The following KIF7 variants were observed in gnomAD, a reference collection of about 807,000 sequenced individuals.
KIF7 encodes the protein kinesin-like protein KIF7.
A neutral mutation model predicts 135.7 loss-of-function variants in KIF7; 104 were observed. The ratio of observed to expected loss-of-function variants is 0.77; its 90% confidence interval spans 0.65 to 0.90. KIF7 has a LOEUF of 0.90. Ranked by LOEUF, KIF7 falls within the 40% of genes least tolerant of loss-of-function variation. KIF7 has a pLI of 0.00. For missense variants in KIF7, 2,005 were observed against 1,839.1 expected (o/e 1.09, Z -1.65); for synonymous variants, 883 against 809.4 (o/e 1.09, Z -1.54).
rs1163281822 is a variant in KIF7 at position 89,628,486 on chromosome 15, G to C, written c.3965C>G (p.Ser1322Cys). Residue 1322 changes from serine (S) to cysteine (C), a missense_variant, in exon 19 of 19, where the codon TCC (serine) becomes TGC (cysteine). Coordinates refer to ENST00000394412, the MANE Select transcript of KIF7 (RefSeq NM_198525.3). Reference sequence around the variant, plus strand: ...TCGTCGCAGTTCCCGCCGGGGCTTGGACAAAGGCCCAAAGTTCCAGGGCAG... The same window carrying C: ...TCGTCGCAGTTCCCGCCGGGGCTTGCACAAAGGCCCAAAGTTCCAGGGCAG... ...AGLPWNFGPLSKPRRELRRAS... is the reference protein window; with the variant it reads ...AGLPWNFGPLCKPRRELRRAS... 1 of 1,612,180 alleles carries C rather than the reference G, an allele frequency of 6.2e-7. No homozygotes were observed. Among genetic ancestry groups the C allele is most frequent in the African/African-American group, 1.3e-5 (1 of 74,906 alleles).
rs756204120 is a variant in KIF7, at chr15:89,628,707, A to C, written c.3744T>G (p.Leu1248=). 5 of 1,612,958 alleles carry C rather than the reference A, an allele frequency of 3.1e-6. No individual in the cohort carries two copies. The highest frequency in any genetic ancestry group is 2.5e-6 in the Non-Finnish European group (3 of 1,179,856). The change falls in exon 19 of 19, where the codon CTT becomes CTG. Residue 1248 remains leucine (L), a synonymous_variant. Coordinates refer to ENST00000394412, the MANE Select transcript of KIF7 (RefSeq NM_198525.3). ...CCTCAGTGAGGGGGGACAGCCAGAG[A>C]AGCTCGGGTGCCAGGTGGAGCTCAT... The part of the protein sequence containing the change: ...NEDELHLAPE[L]LWLSPLTEGA...
intron 1 of KIF7, chr15:89,621,649 C>T (rs1963427442): frequency 2.0e-6 from 2 of 1,004,966 alleles, no homozygotes; most frequent in Admixed American, 2.8e-5. Context: ...AAGCAGGTGA[C>T]CTCTAGATAA....
At chr15:89,633,290 G>A (rs760175118) in intron 12 of KIF7, 24 bp from the exon 13 acceptor site, 7 of 1,546,780 alleles carry the variant, frequency 4.5e-6, no homozygotes, top group Non-Finnish European at 5.2e-6. Flanking sequence ...TCAGTGGGCA[G>A]GGCTGTTTAT....
In KIF7 at chr15:89,628,780, T is replaced by C. The variant is rs1963596159; in HGVS notation, c.3671A>G (p.Glu1224Gly). Residue 1224 changes from glutamate (E) to glycine (G), a missense_variant, in exon 19 of 19, where the codon GAG (glutamate) becomes GGG (glycine). Coordinates refer to ENST00000394412, the MANE Select transcript of KIF7 (RefSeq NM_198525.3). The stretch of plus-strand genomic sequence containing the variant: ...GCCCTCCGAGCACAGGCTCCTCTTC[T>C]CCCCACCTGTCATGGAGAGTAACGT... ...VNAVGHSRGG[E>G]KRSLCSEGRQ... 1 of 1,611,656 alleles carries C rather than the reference T, an allele frequency of 6.2e-7. No individual in the cohort carries two copies. Among genetic ancestry groups the C allele is most frequent in the Admixed American group, 1.7e-5 (1 of 60,002 alleles).
intron 4 of KIF7, 100 bp from the exon 5 acceptor site, chr15:89,648,874 T>C: frequency 6.8e-7 from 1 of 1,466,128 alleles, no homozygotes. Flanking sequence ...TCCCGTGGGC[T>C]GGAGACCTCA....
downstream of KIF7, chr15:89,623,761 G>A: frequency 5.0e-6 from 8 of 1,613,834 alleles, no homozygotes; most frequent in Non-Finnish European, 6.8e-6. Flanking sequence ...TACAAAGCAG[G>A]CAGCTTTTAA....
chr15:89,648,021 T>G (rs1199696413), intron 5 of KIF7, among the ~76,000 whole-genome samples: 2 of 152,104 alleles, frequency 1.3e-5, no homozygotes, highest in Admixed American at 6.5e-5. Flanking sequence ...CCTTACAACA[T>G]CCCCACTAAG....
At position 89,645,930 on chromosome 15, in the gene KIF7, C is replaced by T. The variant is rs149814240; in HGVS notation, c.1885G>A (p.Glu629Lys). The change falls in exon 8 of 19, where the codon GAG (glutamate) becomes AAG (lysine). Residue 629 changes from glutamate to lysine, a missense_variant. Transcript: ENST00000394412. ...SSAASEEEEE[E>K]EEPPRRTLHL... is the part of the protein sequence containing the mutation. Reference sequence around the variant, plus strand: ...AAGGTCCGCCTGGGCGGCTCCTCCTCCTCCTCTTCCTCCTCTGAAGCAGCT... The same window carrying T: ...AAGGTCCGCCTGGGCGGCTCCTCCTTCTCCTCTTCCTCCTCTGAAGCAGCT... 7,010 of 1,613,772 alleles carry T rather than the reference C, an allele frequency of 4.3e-3. 52 individuals are homozygous for T. The highest frequency in any genetic ancestry group is 4.7e-3 in the Non-Finnish European group (5,526 of 1,179,970).
rs1469352603 is a variant in KIF7 at position 89,628,277 on chromosome 15, T to C, written c.*142A>G. The C allele has an allele frequency of 1.9e-6, 2 of 1,070,398 alleles. No individual in the cohort carries two copies. Among genetic ancestry groups the C allele is most frequent in the African/African-American group, 1.6e-5 (1 of 63,342 alleles). 66.3% of individuals were successfully genotyped at this position (1,070,398 alleles called of 1,614,324 possible). ...CAGTTCTTTTGGGCCATGGCCCAAA[T>C]TTGTTGATCCCAGTGAGGGTACAGA... On this transcript the variant is annotated 3_prime_UTR_variant, in exon 19 of 19. Coordinates refer to ENST00000394412, the MANE Select transcript of KIF7 (RefSeq NM_198525.3).
intron 11 of KIF7, among the ~76,000 whole-genome samples, chr15:89,636,523 G>A (rs1257004420): frequency 1.3e-4 from 12 of 94,522 alleles, no homozygotes; most frequent in Non-Finnish European, 2.6e-4. Context: ...GGCAGGGGTT[G>A]CAATCCTAGT....
chr15:89,620,503 C>T (rs2099121469), intron 1 of KIF7, among the ~76,000 whole-genome samples: 1 of 152,070 alleles, frequency 6.6e-6, no homozygotes, highest in African/African-American at 2.4e-5. Flanking sequence ...CCACCACACC[C>T]AGCCAGATAT....
intron 1 of KIF7, among the ~76,000 whole-genome samples, chr15:89,655,103 G>A (rs77813476): frequency 0.018 from 2,714 of 152,302 alleles, 85 homozygotes; most frequent in African/African-American, 0.062. Flanking sequence ...CATGAAAGTT[G>A]GAAGAAGTGA....
intron 15 of KIF7, among the ~76,000 whole-genome samples, chr15:89,631,258 A>G (rs557678291): frequency 2.4e-3 from 359 of 152,374 alleles, no homozygotes; most frequent in African/African-American, 8.0e-3. Flanking sequence ...GGCTCCAGCC[A>G]GAAGAGAGCT....
chr15:89,632,836 C>T lies in KIF7; in HGVS notation c.2879G>A (p.Arg960His), dbSNP rs149221245. The T allele has an allele frequency of 1.3e-5, 21 of 1,606,654 alleles. No individual in the cohort carries two copies. Among genetic ancestry groups the T allele is most frequent in the East Asian group, 4.5e-5 (2 of 44,878 alleles). ...MQEKTGLESK[R>H]LRSSQALNED... ...GGGCCTCACCTGGCTGGATCTCAGG[C>T]GCTTGCTCTCCAGCCCCGTCTTCTC... Residue 960 changes from arginine (R) to histidine (H), a missense_variant, in exon 14 of 19, where the codon CGC (arginine) becomes CAC (histidine). Physicochemically the swap from Arg to His is conservative, Grantham distance 29 (BLOSUM62 0). Transcript: ENST00000394412.
rs1596074353 is a variant in KIF7 at position 89,642,280 on chromosome 15, C to T, written c.2317G>A (p.Glu773Lys). ...QRQLRELEGK[E>K]LQDAGERSRL... ...GACCGCTCGCCAGCATCCTGGAGCT[C>T]CTTGCCCTCGAGCTCCCGCAGCTGC... The change falls in exon 11 of 19, where the codon GAG becomes AAG. Residue 773 changes from glutamate (E) to lysine (K), a missense_variant. Glu to Lys is a moderately conservative substitution (Grantham distance 56). Coordinates refer to ENST00000394412, the MANE Select transcript of KIF7 (RefSeq NM_198525.3). The T allele has an allele frequency of 6.2e-7, 1 of 1,610,498 alleles. No individual in the cohort carries two copies. The highest frequency in any genetic ancestry group is 8.5e-7 in the Non-Finnish European group (1 of 1,179,702).
the KIF7 span, among the ~76,000 whole-genome samples, chr15:89,661,727 T>C: frequency 2.0e-5 from 3 of 151,726 alleles, no homozygotes; most frequent in Admixed American, 6.6e-5. Flanking sequence ...TAACTAACTT[T>C]TTTTTTTTTT....
In KIF7 at chr15:89,628,450, C is replaced by G. The variant is rs1963581659; in HGVS notation, c.4001G>C (p.Gly1334Ala). The G allele has an allele frequency of 6.2e-7, 1 of 1,609,510 alleles. No individual in the cohort carries two copies. The highest frequency in any genetic ancestry group is 8.5e-7 in the Non-Finnish European group (1 of 1,177,878). The change falls in exon 19 of 19, where the codon GGG becomes GCG. Residue 1334 changes from glycine (G) to alanine (A), a missense_variant. Coordinates refer to ENST00000394412, the MANE Select transcript of KIF7 (RefSeq NM_198525.3). ...PRRELRRASP[G>A]MIDVRKNPL is the part of the protein sequence containing the mutation. ...GGGGTTTTTCCGGACATCAATCATC[C>G]CCGGGCTGGCTCGTCGCAGTTCCCG...
At chr15:89,629,293 G>A in intron 17 of KIF7, 82 bp downstream of exon 17, 2 of 1,185,192 alleles carry the variant, frequency 1.7e-6, no homozygotes, top group East Asian at 2.9e-5. Context: ...GTGGGGGGAG[G>A]GAGGGGGGTG....
At chr15:89,637,357 C>T (rs1378403742) in intron 11 of KIF7, among the ~76,000 whole-genome samples, 2 of 148,666 alleles carry the variant, frequency 1.3e-5, no homozygotes, top group African/African-American at 2.5e-5. Context: ...AATAGAGACA[C>T]AAAAAACCCT....
Sources: gnomAD v4.1 joint callset for allele counts (sites outside exome capture counted in the v4.1 genomes callset) on GRCh38, gnomAD v4.1.1 for gene constraint, MANE v1.5 for transcripts, NCBI Gene and HGNC (gene_info 2026-07-23, HGNC 2026-07-21) for gene names.